SORCS3: variants seen among roughly 807,000 people sequenced by gnomAD.
SORCS3 encodes the protein VPS10 domain-containing receptor SorCS3.
Under a neutral mutation model 146.3 loss-of-function variants are expected in SORCS3, and 57 were observed. The observed-to-expected ratio is 0.39, with a 90% CI of 0.31 to 0.49. SORCS3 has a LOEUF of 0.49. Among genes scored for constraint, SORCS3 ranks in the 20% least tolerant of loss-of-function variants. SORCS3 has a pLI of 0.92. For missense variants in SORCS3, 1,341 were observed against 1,575.5 expected (o/e 0.85, Z 2.52); for synonymous variants, 653 against 618.5 (o/e 1.06, Z -0.83).
chr10:104,674,174 G>T (rs1218919426), intron 1 of SORCS3, among the ~76,000 whole-genome samples: 2 of 152,126 alleles, frequency 1.3e-5, no homozygotes, highest in African/African-American at 4.8e-5. Flanking sequence ...CTTCTATTAA[G>T]TTTTGTCTGT....
intron 14 of SORCS3, among the ~76,000 whole-genome samples, chr10:105,198,182 T>C (rs2056554602): frequency 6.6e-6 from 1 of 152,194 alleles, no homozygotes; most frequent in Non-Finnish European, 1.5e-5. Context: ...GAAAGGAATG[T>C]GATTAATCTG....
chr10:105,103,027 A>G (rs2055796868), intron 6 of SORCS3, among the ~76,000 whole-genome samples: 1 of 151,982 alleles, frequency 6.6e-6, no homozygotes, highest in African/African-American at 2.4e-5. Flanking sequence ...TGACCTCGTG[A>G]TCCACCCACC....
chr10:104,652,880 C>A (rs551349670), intron 1 of SORCS3, among the ~76,000 whole-genome samples: 153 of 152,146 alleles, frequency 1.0e-3, no homozygotes, highest in Admixed American at 9.9e-3. Flanking sequence ...GACTGGACAC[C>A]CAAGAAAACT....
rs540038994 is a variant in SORCS3 at position 104,899,034 on chromosome 10, A to G, written c.696-16799A>G. Among the ~76,000 whole-genome samples the G allele has an allele frequency of 1.6e-3, 251 of 152,300 alleles. 3 individuals carry two copies. The highest frequency in any genetic ancestry group is 5.8e-3 in the South Asian group (28 of 4,816). ...GCCTGGATACCTATTTACTATTCTC[A>G]AGATATGCTGTGTTTTTCTAGCATC... On this transcript the variant is annotated intron_variant, in intron 2 of 26. Transcript: ENST00000369701.
chr10:105,146,058 C>T (rs2056129019), intron 8 of SORCS3, among the ~76,000 whole-genome samples: 1 of 152,118 alleles, frequency 6.6e-6, no homozygotes. Context: ...CAACTCCACT[C>T]CCCCATCATC....
intron 19 of SORCS3, 138 bp downstream of exon 19, chr10:105,217,260 T>A: frequency 1.3e-6 from 1 of 754,324 alleles, no homozygotes; most frequent in African/African-American, 1.7e-5. Context: ...TGGAGATATG[T>A]ACTCATCTGT....
chr10:104,870,733 A>G (rs981308784), intron 2 of SORCS3, among the ~76,000 whole-genome samples: 5 of 152,168 alleles, frequency 3.3e-5, no homozygotes, highest in Non-Finnish European at 7.3e-5. Flanking sequence ...CATGTTGAGC[A>G]TGACCTCGCA....
At chr10:104,713,757 T>C (rs996958762) in intron 1 of SORCS3, among the ~76,000 whole-genome samples, 2 of 152,226 alleles carry the variant, frequency 1.3e-5, no homozygotes, top group Non-Finnish European at 2.9e-5. Flanking sequence ...AGTTTTCCTG[T>C]CTTACAATGC....
chr10:105,163,517 T>C (rs1003144789), intron 11 of SORCS3, among the ~76,000 whole-genome samples: 5 of 152,158 alleles, frequency 3.3e-5, no homozygotes, highest in African/African-American at 1.2e-4. Flanking sequence ...GGGCCTCTTT[T>C]AGGCTGTGAG....
rs190600172 is a variant in SORCS3 at position 104,787,747 on chromosome 10, C to T, written c.628-55045C>T. On this transcript the variant is annotated intron_variant, in intron 1 of 26. Coordinates refer to ENST00000369701, the MANE Select transcript of SORCS3 (RefSeq NM_014978.3). The stretch of plus-strand genomic sequence containing the variant: ...TCCATAATTGGTACCTTTTTCATTC[C>T]CTCTTAAAAAATACCCAGCCCGCTA... Among the ~76,000 whole-genome samples, 16 of 152,086 alleles carry T rather than the reference C, an allele frequency of 1.1e-4. No individual in the cohort carries two copies. The East Asian group carries it at 3.1e-3, about 29-fold the overall frequency.
Position 104,910,479 on chromosome 10 carries a change from G to A in SORCS3, c.696-5354G>A, listed in dbSNP as rs2018955312. ...ATAAGCAGTGGTTTATTCATAAGCT[G>A]AAACACTAGATAGCAGTTAAAGTGA... On this transcript the variant is annotated intron_variant, in intron 2 of 26. Transcript: ENST00000369701. Among the ~76,000 whole-genome samples, 3 of 152,168 alleles carry A rather than the reference G, an allele frequency of 2.0e-5. No homozygotes were observed. In the South Asian group the frequency reaches 6.2e-4, roughly 32 times the overall value.
intron 1 of SORCS3, among the ~76,000 whole-genome samples, chr10:104,739,828 C>T (rs1305228417): frequency 4.6e-5 from 7 of 152,136 alleles, no homozygotes; most frequent in Non-Finnish European, 1.0e-4. Flanking sequence ...ATTAGAAAGC[C>T]AAGCAAAATA....
chr10:105,018,097 C>T (rs2055178196), intron 4 of SORCS3, among the ~76,000 whole-genome samples: 2 of 152,192 alleles, frequency 1.3e-5, no homozygotes, highest in South Asian at 4.1e-4. Flanking sequence ...CAAGAGAAGA[C>T]CTGGCTTCAA....
chr10:104,793,603 G>A (rs184145807), intron 1 of SORCS3, among the ~76,000 whole-genome samples: 5 of 152,238 alleles, frequency 3.3e-5, no homozygotes, highest in Admixed American at 2.0e-4. Context: ...GAATGAGTTG[G>A]CAAACAATGA....
At chr10:104,741,946 G>T (rs2016852274) in intron 1 of SORCS3, among the ~76,000 whole-genome samples, 1 of 151,522 alleles carries the variant, frequency 6.6e-6, no homozygotes. Context: ...CTCAGTGTTG[G>T]CACGTATTGT....
chr10:104,646,514 A>G (rs2133235435), intron 1 of SORCS3, among the ~76,000 whole-genome samples: 1 of 152,310 alleles, frequency 6.6e-6, no homozygotes, highest in South Asian at 2.1e-4. Context: ...GAATCATCTC[A>G]TAAGGAGCAG....
In SORCS3 at chr10:105,263,445, G is replaced by A; in HGVS notation, c.*71G>A. 2 of 1,441,478 alleles carry A rather than the reference G, an allele frequency of 1.4e-6. No homozygotes were observed. The highest frequency in any genetic ancestry group is 9.6e-7 in the Non-Finnish European group (1 of 1,038,068). The allele number at this position is 1,441,478 out of a possible 1,614,324, so 89.3% of individuals were successfully genotyped here. A position where few individuals can be genotyped will look rare whatever the true frequency, so the allele number is the denominator to read the frequency against. Reference sequence around the variant, plus strand: ...TGATGATTACTATTACTATTATTATGGAAAAATTAAAATGTCTTTTTTACC... The same window carrying A: ...TGATGATTACTATTACTATTATTATAGAAAAATTAAAATGTCTTTTTTACC... On this transcript the variant is annotated 3_prime_UTR_variant, in exon 27 of 27. Transcript: ENST00000369701.
intron 2 of SORCS3, among the ~76,000 whole-genome samples, chr10:104,887,935 A>T (rs1260862158): frequency 9.3e-6 from 1 of 107,252 alleles, no homozygotes; most frequent in Non-Finnish European, 1.7e-5. Flanking sequence ...TATCTTCCAT[A>T]CCTTCCCAGC....
intron 12 of SORCS3, among the ~76,000 whole-genome samples, chr10:105,165,716 T>TA (rs891753178): frequency 2.0e-4 from 31 of 151,980 alleles, no homozygotes; most frequent in African/African-American, 5.3e-4. Context: ...ACTCATCTGG[T>TA]AAAAAAAATC....
Sources: gnomAD v4.1 joint callset for allele counts (sites outside exome capture counted in the v4.1 genomes callset) on GRCh38, gnomAD v4.1.1 for gene constraint, MANE v1.5 for transcripts, NCBI Gene and HGNC (gene_info 2026-07-23, HGNC 2026-07-21) for gene names.